Variants in KLHL2 observed in about 807,000 individuals in gnomAD.
The protein encoded by KLHL2 is kelch like family member 2, also known as kelch-like protein 2.
In KLHL2, 15 loss-of-function variants were observed where a neutral mutation model predicts 75.8. The observed-to-expected ratio is 0.20, with a 90% CI of 0.13 to 0.30. KLHL2 has a LOEUF of 0.30. KLHL2 is among the 10% of genes least tolerant of loss of function. The pLI, the probability that KLHL2 is intolerant of heterozygous loss-of-function variation, is 1.00. For synonymous variants in KLHL2, 214 were observed against 251.9 expected (o/e 0.85, Z 1.42); for missense variants, 381 against 741.0 (o/e 0.51, Z 5.64).
At chr4:165,294,244 A>G (rs545991582) in intron 5 of KLHL2, 115 bp from the exon 6 acceptor site, 40 of 624,830 alleles carry the variant, frequency 6.4e-5, no homozygotes, top group African/African-American at 3.7e-4. Context: ...GAGGTGTGCA[A>G]TTGGTTTTCT....
At chr4:165,310,336 A>C (rs950742230) in intron 9 of KLHL2, among the ~76,000 whole-genome samples, 2 of 152,210 alleles carry the variant, frequency 1.3e-5, no homozygotes, top group Non-Finnish European at 2.9e-5. Context: ...AAATAAAGAA[A>C]GGAAGAAATA....
chr4:165,248,129 A>T (rs1475080163), intron 4 of KLHL2, among the ~76,000 whole-genome samples: 1 of 152,210 alleles, frequency 6.6e-6, no homozygotes, highest in African/African-American at 2.4e-5. Context: ...TTTAAAAATT[A>T]TTCTGGAATA....
chr4:165,228,777 T>C (rs906413242), intron 2 of KLHL2, 30 bp from the exon 3 acceptor site: 5 of 1,458,940 alleles, frequency 3.4e-6, no homozygotes, highest in Non-Finnish European at 4.8e-6. Flanking sequence ...TTGATATCAT[T>C]TAAATTTTTT....
intron 5 of KLHL2, among the ~76,000 whole-genome samples, chr4:165,287,460 G>A (rs1744179524): frequency 6.6e-6 from 1 of 152,200 alleles, no homozygotes; most frequent in Non-Finnish European, 1.5e-5. Context: ...GAACATGGGT[G>A]TACAAATATG....
rs770506025 is a variant in KLHL2, at chr4:165,238,938, A to G, written c.381+39A>G. The G allele has an allele frequency of 7.0e-6, 11 of 1,570,448 alleles. No homozygotes were observed. In the African/African-American group the frequency reaches 8.3e-5, roughly 12 times the overall value. On this transcript the variant is annotated intron_variant, in intron 4 of 14. Coordinates refer to ENST00000226725, the MANE Select transcript of KLHL2 (RefSeq NM_007246.4). Reference sequence around the variant, plus strand: ...CTTCACACCATCTAGCTTTTTATGCATACAGTTTTTTTAATAAAAAAAGCA... The same window carrying G: ...CTTCACACCATCTAGCTTTTTATGCGTACAGTTTTTTTAATAAAAAAAGCA...
chr4:165,236,487 G>A (rs1285575242), intron 3 of KLHL2, among the ~76,000 whole-genome samples: 1 of 152,096 alleles, frequency 6.6e-6, no homozygotes, highest in Non-Finnish European at 1.5e-5. Context: ...TAGTAGCTGG[G>A]ATTACAGGAG....
intron 5 of KLHL2, among the ~76,000 whole-genome samples, chr4:165,264,704 G>GTGTGTGTA (rs1323043527): frequency 1.4e-4 from 12 of 82,872 alleles, no homozygotes; most frequent in East Asian, 4.7e-4. Context: ...GTGTGTGTGT[G>GTGTGTGTA]TATATATATA....
At chr4:165,292,575 C>T (rs534001711) in intron 5 of KLHL2, among the ~76,000 whole-genome samples, 10 of 152,044 alleles carry the variant, frequency 6.6e-5, no homozygotes, top group South Asian at 4.1e-4. Flanking sequence ...TCAGGTCATC[C>T]GCCCACCTTG....
chr4:165,321,500 T>C, intron 14 of KLHL2: 2 of 317,688 alleles, frequency 6.3e-6, no homozygotes, highest in South Asian at 4.9e-5. Context: ...ACATGTAAAA[T>C]ATGTGTTAAT....
At chr4:165,240,561 A>C (rs1454183812) in intron 4 of KLHL2, 3 of 151,362 alleles carry the variant, frequency 2.0e-5, no homozygotes, top group African/African-American at 7.3e-5. Flanking sequence ...TTAACATGGA[A>C]GAAAGTGTTT....
chr4:165,299,909 G>T (rs1351417543), intron 8 of KLHL2, among the ~76,000 whole-genome samples: 3 of 152,120 alleles, frequency 2.0e-5, no homozygotes, highest in Non-Finnish European at 4.4e-5. Flanking sequence ...AAGACAACTG[G>T]TTTTTGTCCC....
At chr4:165,232,878 CTTTT>C (rs912954260) in intron 3 of KLHL2, among the ~76,000 whole-genome samples, 30 of 52,582 alleles carry the variant, frequency 5.7e-4, no homozygotes, top group African/African-American at 2.5e-3. Context: ...CCCTGTTAAG[CTTTT>C]TTTTTTTTTT....
chr4:165,265,079 AAG>A (rs1313563787), intron 5 of KLHL2, among the ~76,000 whole-genome samples: 2 of 151,958 alleles, frequency 1.3e-5, no homozygotes, highest in Non-Finnish European at 2.9e-5. Flanking sequence ...TGGTTAGGGC[AAG>A]GTGGTATCTC....
chr4:165,212,567 TA>T (rs1737261781), intron 1 of KLHL2, among the ~76,000 whole-genome samples: 1 of 152,240 alleles, frequency 6.6e-6, no homozygotes, highest in Non-Finnish European at 1.5e-5. Flanking sequence ...CCCTGCTTTT[TA>T]TGATAGCTCT....
chr4:165,243,974 A>G (rs1452602389), intron 4 of KLHL2, among the ~76,000 whole-genome samples: 7 of 152,236 alleles, frequency 4.6e-5, no homozygotes, highest in Admixed American at 4.6e-4. Flanking sequence ...TTGTAAAACT[A>G]AGTGTGGTAA....
At chr4:165,296,228 G>T (rs1383546039) in intron 6 of KLHL2, among the ~76,000 whole-genome samples, 1 of 152,154 alleles carries the variant, frequency 6.6e-6, no homozygotes, top group Non-Finnish European at 1.5e-5. Flanking sequence ...AATGTCCAAG[G>T]TGGCTCCTCC....
In KLHL2 at chr4:165,260,574, G is replaced by GT. The variant is rs1240363945; in HGVS notation, c.382-2622dup. 3.8e-3 allele frequency among the ~76,000 whole-genome samples: 564 copies of GT among 150,246 alleles called. 1 individual carries two copies. Among genetic ancestry groups the GT allele is most frequent in the African/African-American group, 0.013 (533 of 41,028 alleles). On this transcript the variant is annotated intron_variant, in intron 4 of 14. Transcript: ENST00000226725. ...CTGCTACACACACATATATGTGTGT[G>GT]TGTGGGGGGGGTGTATATGTTAGCA...
chr4:165,322,207 A>G lies in KLHL2; in HGVS notation c.*147A>G, dbSNP rs2126602929. On this transcript the variant is annotated 3_prime_UTR_variant, in exon 15 of 15. Coordinates refer to ENST00000226725, the MANE Select transcript of KLHL2 (RefSeq NM_007246.4). ...ACGATCGTCTGCCTTTATAGGCCTCAGATACTGAAGATTATTTTTGGTAGA... is the reference window on the plus strand; with the variant it reads ...ACGATCGTCTGCCTTTATAGGCCTCGGATACTGAAGATTATTTTTGGTAGA... The G allele has an allele frequency of 1.4e-6, 1 of 703,694 alleles. No homozygotes were observed. The highest frequency in any genetic ancestry group is 2.4e-6 in the Non-Finnish European group (1 of 409,926). 43.6% of individuals were successfully genotyped at this position (703,694 alleles called of 1,614,324 possible). A position where few individuals can be genotyped will look rare whatever the true frequency, so the allele number is the denominator to read the frequency against.
chr4:165,261,915 A>G (rs1741708115), intron 4 of KLHL2, among the ~76,000 whole-genome samples: 1 of 152,122 alleles, frequency 6.6e-6, no homozygotes, highest in South Asian at 2.1e-4. Flanking sequence ...AGGAACTTAG[A>G]TCTTTTTTTA....
Sources: gnomAD v4.1 joint callset for allele counts (sites outside exome capture counted in the v4.1 genomes callset) on GRCh38, gnomAD v4.1.1 for gene constraint, MANE v1.5 for transcripts, NCBI Gene and HGNC (gene_info 2026-07-23, HGNC 2026-07-21) for gene names.